TARBP2: variants seen among roughly 807,000 people sequenced by gnomAD.
The protein encoded by TARBP2 is TARBP2 subunit of RISC loading complex, also known as RISC-loading complex subunit TARBP2.
A neutral mutation model predicts 40.4 loss-of-function variants in TARBP2; 23 were observed. The observed-to-expected ratio is 0.57, with a 90% confidence interval of 0.41 to 0.81. TARBP2 has a LOEUF of 0.81. Among genes scored for constraint, TARBP2 ranks in the 30% least tolerant of loss-of-function variants. TARBP2 has a pLI of 0.00. For synonymous variants in TARBP2, 183 were observed against 190.5 expected, an observed-to-expected ratio of 0.96 and a Z score of 0.32; for missense variants, 358 against 473.7, an observed-to-expected ratio of 0.76 and a Z score of 2.27.
At chr12:53,504,218 G>T in intron 4 of TARBP2, 179 bp from the exon 5 acceptor site, 2 of 607,216 alleles carry the variant, frequency 3.3e-6, no homozygotes, top group Non-Finnish European at 5.6e-6. Context: ...TGAGTGGGAG[G>T]GGGAAGGAAG....
intron 6 of TARBP2, 109 bp downstream of exon 6, chr12:53,504,924 C>CTTG: frequency 6.8e-7 from 1 of 1,466,392 alleles, no homozygotes; most frequent in South Asian, 1.3e-5. Context: ...CTCTTAGCTT[C>CTTG]ACAGTCCCTA....
intron 5 of TARBP2, 37 bp downstream of exon 5, chr12:53,504,506 T>C (rs1198193501): frequency 1.2e-6 from 2 of 1,606,850 alleles, no homozygotes; most frequent in East Asian, 4.5e-5. Context: ...ATGCCTGTCT[T>C]CCCTTGAGCC....
chr12:53,505,527 C>T lies in TARBP2; in HGVS notation c.742-122C>T. 1 of 1,175,126 alleles carries T rather than the reference C, an allele frequency of 8.5e-7. No individual in the cohort carries two copies. The highest frequency in any genetic ancestry group is 1.2e-6 in the Non-Finnish European group (1 of 813,536). 72.8% of individuals were successfully genotyped at this position (1,175,126 alleles called of 1,614,324 possible). On this transcript the variant is annotated intron_variant, in intron 7 of 8. Coordinates refer to ENST00000266987, the MANE Select transcript of TARBP2 (RefSeq NM_134323.2). The surrounding 1 kb of genome is among the most constrained non-coding windows in gnomAD (Gnocchi z 4.5). ...TTAGAAGGGGCCACCCAGGGATTGA[C>T]TGGGGGGAGGCAAGCTGGAGGAAGC...
intron 4 of TARBP2, 109 bp from the exon 5 acceptor site, chr12:53,504,288 A>G (rs1460108805): frequency 1.9e-6 from 2 of 1,032,370 alleles, no homozygotes; most frequent in Non-Finnish European, 2.8e-6. Context: ...ACCCGGTGGA[A>G]TCGGGAGATG....
Position 53,504,410 on chromosome 12 carries a change from G to T in TARBP2, c.436G>T (p.Glu146Ter). The T allele has an allele frequency of 6.3e-7, 1 of 1,592,310 alleles. No homozygotes were observed. The highest frequency in any genetic ancestry group is 8.5e-7 in the Non-Finnish European group (1 of 1,170,568). ...CTTTTCCTTCAGGAGCCCCCCCATG[G>T]AACTGCAGCCCCCTGTCTCCCCTCA... ...SVVLTRSPPM[E>*]LQPPVSPQQS... Residue 146 changes from glutamate (E) to a stop codon, truncating the protein, a stop_gained, in exon 5 of 9, where the codon GAA becomes TAA. Coordinates refer to ENST00000266987, the MANE Select transcript of TARBP2 (RefSeq NM_134323.2). LOFTEE classifies it high-confidence loss of function.
Position 53,501,300 on chromosome 12 carries a change from GC to G in TARBP2, c.-106del. The G allele has an allele frequency of 7.9e-7, 1 of 1,273,344 alleles. No individual in the cohort carries two copies. Among genetic ancestry groups the G allele is most frequent in the Non-Finnish European group, 1.1e-6 (1 of 913,036 alleles). 78.9% of individuals were successfully genotyped at this position (1,273,344 alleles called of 1,614,324 possible). Reference sequence around the variant, plus strand: ...CATATCCCAGCGTGCCCCGCGGCGGGCCCTACCGGCCGCGACTCCGGGCTTG... The same window carrying G: ...CATATCCCAGCGTGCCCCGCGGCGGGCCTACCGGCCGCGACTCCGGGCTTG... On this transcript the variant is annotated 5_prime_UTR_variant, in exon 1 of 9. Coordinates refer to ENST00000266987, the MANE Select transcript of TARBP2 (RefSeq NM_134323.2).
In TARBP2 at chr12:53,506,131, A is replaced by G. The variant is rs1416021586; in HGVS notation, c.1084A>G (p.Met362Val). The change falls in exon 9 of 9, where the codon ATG becomes GTG. Residue 362 changes from methionine to valine, a missense_variant. This residue lies in a region of TARBP2 where 317 missense variants were observed against 422.9 expected (regional missense o/e 0.75). Coordinates refer to ENST00000266987, the MANE Select transcript of TARBP2 (RefSeq NM_134323.2). Reference protein sequence around the residue: ...ARRALQYLKIMAGSK With the variant: ...ARRALQYLKIVAGSK ...CCGTGCCCTGCAGTACCTCAAGATC[A>G]TGGCAGGCAGCAAGTGAAGCCCCAG... 4 of 1,613,794 alleles carry G rather than the reference A, an allele frequency of 2.5e-6. No homozygotes were observed. The highest frequency in any genetic ancestry group is 3.4e-6 in the Non-Finnish European group (4 of 1,179,910).
chr12:53,501,320 G>A lies in TARBP2; in HGVS notation c.-89G>A. 2 of 1,480,632 alleles carry A rather than the reference G, an allele frequency of 1.4e-6. No homozygotes were observed. Among genetic ancestry groups the A allele is most frequent in the Non-Finnish European group, 9.2e-7 (1 of 1,092,782 alleles). The allele number at this position is 1,480,632 out of a possible 1,614,324, so 91.7% of individuals were successfully genotyped here. The stretch of plus-strand genomic sequence containing the variant: ...GGCGGGCCCTACCGGCCGCGACTCC[G>A]GGCTTGGCCCCGGCCCTAGCTCGTC... On this transcript the variant is annotated 5_prime_UTR_variant, in exon 1 of 9. Coordinates refer to ENST00000266987, the MANE Select transcript of TARBP2 (RefSeq NM_134323.2).
In TARBP2 at chr12:53,502,183, T is replaced by A. The variant is rs746713420; in HGVS notation, c.222T>A (p.Thr74=). ...TCACCGTTGGCGACACCAGCTGCAC[T>A]GGTGAGGAAGGCTTGGGCAGCCTGG... ...FRVTVGDTSC[T]GQGPSKKAAK... The change falls in exon 2 of 9, where the codon ACT becomes ACA. Residue 74 remains threonine, a splice_region_variant and synonymous_variant. Coordinates refer to ENST00000266987, the MANE Select transcript of TARBP2 (RefSeq NM_134323.2). 1 of 1,614,158 alleles carries A rather than the reference T, an allele frequency of 6.2e-7. No homozygotes were observed. The highest frequency in any genetic ancestry group is 8.5e-7 in the Non-Finnish European group (1 of 1,180,024).
chr12:53,501,605 C>T (rs1391310345), intron 1 of TARBP2, 144 bp downstream of exon 1: 1 of 1,474,408 alleles, frequency 6.8e-7, no homozygotes, highest in Non-Finnish European at 9.0e-7. Flanking sequence ...CGGCGTGCAC[C>T]GGGGCAGTGG....
chr12:53,504,621 C>G (rs1173559084), intron 5 of TARBP2, 77 bp from the exon 6 acceptor site: 1 of 1,613,202 alleles, frequency 6.2e-7, no homozygotes, highest in South Asian at 1.1e-5. Flanking sequence ...GAGTCTGAGG[C>G]TCCTGCGTGG....
rs1309616693 is a variant in TARBP2, at chr12:53,504,742, G to T, written c.540G>T (p.Val180=). Residue 180 remains valine (V), a synonymous_variant, in exon 6 of 9, where the codon GTG becomes GTT. Transcript: ENST00000266987. ...GCTGGCGGTTGCCGGAGTACACAGT[G>T]ACCCAGGAGTCTGGGCCAGCCCACC... The part of the protein sequence containing the change: ...QKGWRLPEYT[V]TQESGPAHRK... 2.5e-6 allele frequency: 4 copies of T among 1,614,006 alleles called. No individual in the cohort carries two copies. Among genetic ancestry groups the T allele is most frequent in the Non-Finnish European group, 3.4e-6 (4 of 1,180,032 alleles).
At chr12:53,502,670 T>A (rs956096457) in intron 2 of TARBP2, 2 of 215,454 alleles carry the variant, frequency 9.3e-6, no homozygotes, top group Non-Finnish European at 1.9e-5. Flanking sequence ...ATGCCTAGTA[T>A]GTGGCAGAGT....
chr12:53,502,360 G>A lies in TARBP2; in HGVS notation c.223+176G>A, dbSNP rs796893639. On this transcript the variant is annotated intron_variant, in intron 2 of 8. Transcript: ENST00000266987. ...AACAGGGCTGTAAGAAGGTGGGTAG[G>A]ACGTGGGAGAGTTAGAGGAGCGAGC... 13 of 821,032 alleles carry A rather than the reference G, an allele frequency of 1.6e-5. No individual in the cohort carries two copies. In the African/African-American group the frequency reaches 1.9e-4, roughly 12 times the overall value. The allele number at this position is 821,032 out of a possible 1,614,324, so 50.9% of individuals were successfully genotyped here. A position where few individuals can be genotyped will look rare whatever the true frequency, so the allele number is the denominator to read the frequency against.
chr12:53,503,786 G>C lies in TARBP2; in HGVS notation c.400G>C (p.Val134Leu). ...TACTGCTGCAGCAGCTGCTACCCCA[G>C]TTCCATCTGTAGTCCTAACCAGGTA... ...VFTAAAAATP[V>L]PSVVLTRSPP... The change falls in exon 4 of 9, where the codon GTT (valine) becomes CTT (leucine). Residue 134 changes from valine to leucine, a missense_variant. Physicochemically the swap from Val to Leu is conservative, Grantham distance 32. This residue lies in a region of TARBP2 where 317 missense variants were observed against 422.9 expected (regional missense o/e 0.75). Transcript: ENST00000266987. 6.2e-7 allele frequency: 1 copy of C among 1,614,150 alleles called. No individual in the cohort carries two copies. Among genetic ancestry groups the C allele is most frequent in the Non-Finnish European group, 8.5e-7 (1 of 1,179,988 alleles).
Position 53,501,391 on chromosome 12 carries a change from G to C in TARBP2, c.-18G>C. 1.3e-6 allele frequency: 2 copies of C among 1,558,434 alleles called. No individual in the cohort carries two copies. The highest frequency in any genetic ancestry group is 1.7e-6 in the Non-Finnish European group (2 of 1,151,072). On this transcript the variant is annotated 5_prime_UTR_variant, in exon 1 of 9. Transcript: ENST00000266987. Reference sequence around the variant, plus strand: ...GGAGGCTGCAGTCACGGTGGCGCCCGCGGGGACGGAGGAGGGAATGAGTGA... The same window carrying C: ...GGAGGCTGCAGTCACGGTGGCGCCCCCGGGGACGGAGGAGGGAATGAGTGA...
Position 53,505,268 on chromosome 12 carries a change from T to C in TARBP2, c.741+6T>C. 6.3e-7 allele frequency: 1 copy of C among 1,583,848 alleles called. No homozygotes were observed. The highest frequency in any genetic ancestry group is 1.7e-5 in the Admixed American group (1 of 58,290). ...ATGATGACCACTTCTCCATTGTGAG[T>C]GGCTCATGTGGGCCGGGCACCGTGG... On this transcript the variant is annotated splice_donor_region_variant and intron_variant, in intron 7 of 8. Transcript: ENST00000266987. This position sits in a 1 kb window ranked among gnomAD's most constrained non-coding sequence, Gnocchi z 4.5.
Position 53,504,415 on chromosome 12 carries a change from G to T in TARBP2, c.441G>T (p.Leu147=). ...CCTTCAGGAGCCCCCCCATGGAACT[G>T]CAGCCCCCTGTCTCCCCTCAGCAGT... The part of the protein sequence containing the change: ...VVLTRSPPME[L]QPPVSPQQSE... Residue 147 remains leucine (L), a synonymous_variant, in exon 5 of 9, where the codon CTG becomes CTT. Transcript: ENST00000266987. 1 of 1,602,870 alleles carries T rather than the reference G, an allele frequency of 6.2e-7. No individual in the cohort carries two copies.
upstream of TARBP2, chr12:53,501,234 C>T (rs1435973944): frequency 1.2e-5 from 8 of 681,282 alleles, no homozygotes; most frequent in Non-Finnish European, 1.7e-5. Flanking sequence ...GATAGCTCCC[C>T]TCCAGATGGA....
Sources: gnomAD v4.1 joint callset for allele counts on GRCh38, gnomAD v4.1.1 for gene constraint, gnomAD v4.1.1 regional missense constraint, Gnocchi (gnomAD v3.1) non-coding constraint, MANE v1.5 for transcripts, NCBI Gene and HGNC (gene_info 2026-07-23, HGNC 2026-07-21) for gene names.